ROBO2: variants seen among roughly 807,000 people sequenced by gnomAD.
ROBO2 encodes the protein roundabout guidance receptor 2.
ROBO2 carries 53 observed loss-of-function variants against 160.8 expected under a neutral mutation model. The observed-to-expected ratio is 0.33, with a 90% confidence interval of 0.26 to 0.41. The LOEUF (loss-of-function observed/expected upper bound fraction) is 0.41, where lower values mean the gene tolerates loss of function less well. ROBO2 is among the 10% of genes least tolerant of loss of function. ROBO2 has a pLI of 1.00. For synonymous variants in ROBO2, 664 were observed against 611.7 expected (o/e 1.09, Z -1.26); for missense variants, 1,577 against 1,722.4 (o/e 0.92, Z 1.49).
rs1373028396 is a variant in ROBO2, at chr3:77,584,265, A to T, written c.2500+4147A>T. Among the ~76,000 whole-genome samples the T allele has an allele frequency of 2.0e-5, 3 of 152,116 alleles. No individual in the cohort carries two copies. The East Asian group carries it at 5.8e-4, about 29-fold the overall frequency. Reference sequence around the variant, plus strand: ...TGAGGTCCTAACTGCCTCACACTGTATGGATTGCGGTGCTCCCTAAGGGAA... The same window carrying T: ...TGAGGTCCTAACTGCCTCACACTGTTTGGATTGCGGTGCTCCCTAAGGGAA... On this transcript the variant is annotated intron_variant, in intron 16 of 25. Transcript: ENST00000461745.
chr3:77,602,587 C>A, intron 20 of ROBO2, 96 bp downstream of exon 21: 1 of 1,421,916 alleles, frequency 7.0e-7, no homozygotes, highest in Non-Finnish European at 9.9e-7. Context: ...GATTCATTAC[C>A]AGGTTTACTA....
At chr3:75,964,973 T>A in intron 2 of ROBO2, 1 of 151,684 alleles carries the variant, frequency 6.6e-6, no homozygotes, top group East Asian at 2.0e-4. Flanking sequence ...ATTTTTTCTG[T>A]TTATTTTTAA....
At chr3:76,514,505 A>C (rs1190747459) in intron 2 of ROBO2, among the ~76,000 whole-genome samples, 1 of 152,206 alleles carries the variant, frequency 6.6e-6, no homozygotes, top group East Asian at 1.9e-4. Flanking sequence ...TCAATATTCA[A>C]TTGGAAATAT....
In ROBO2 at chr3:76,216,121, G is replaced by A. The variant is rs1703507191; in HGVS notation, c.109+278519G>A. Among the ~76,000 whole-genome samples, 3 of 152,320 alleles carry A rather than the reference G, an allele frequency of 2.0e-5. No homozygotes were observed. The South Asian group carries it at 6.2e-4, about 32-fold the overall frequency. On this transcript the variant is annotated intron_variant, in intron 2 of 26. Coordinates refer to the ROBO2 transcript ENST00000487694. ...AGACAAGCAAATGCTGAGAGATTGT[G>A]TCACCACCAGGCCTGCCCTAAAAGA...
chr3:76,486,867 A>G lies in ROBO2; in HGVS notation c.109+549265A>G, dbSNP rs988448093. ...GGTTTCCTTTTTCAACATTTTTCCT[A>G]TGTGTCCTTGATATCTTTTCTAAAT... On this transcript the variant is annotated intron_variant, in intron 2 of 26. Coordinates refer to the ROBO2 transcript ENST00000487694. Among the ~76,000 whole-genome samples the G allele has an allele frequency of 5.3e-5, 8 of 152,172 alleles. 1 individual carries two copies. Among genetic ancestry groups the G allele is most frequent in the Admixed American group, 2.0e-4 (3 of 15,264 alleles).
intron 1 of ROBO2, among the ~76,000 whole-genome samples, chr3:75,909,277 T>G (rs1946468297): frequency 6.6e-6 from 1 of 152,178 alleles, no homozygotes; most frequent in Non-Finnish European, 1.5e-5. Flanking sequence ...AAAAATAAAT[T>G]TCAAAGAGAG....
At chr3:77,440,757 A>C (rs995997977) in intron 2 of ROBO2, among the ~76,000 whole-genome samples, 1 of 152,164 alleles carries the variant, frequency 6.6e-6, no homozygotes, top group Admixed American at 6.5e-5. Flanking sequence ...GTCTCAGCCG[A>C]GTGTAAAATC....
chr3:76,504,897 C>T (rs1344407105), intron 2 of ROBO2, among the ~76,000 whole-genome samples: 1 of 152,048 alleles, frequency 6.6e-6, no homozygotes, highest in Non-Finnish European at 1.5e-5. Flanking sequence ...TGATGATAGT[C>T]TTCATTTTGG....
chr3:76,144,570 T>A (rs560600494), intron 2 of ROBO2, among the ~76,000 whole-genome samples: 2 of 152,190 alleles, frequency 1.3e-5, no homozygotes, highest in East Asian at 3.9e-4. Context: ...TTAGACACAA[T>A]TGGACTTTTA....
intron 2 of ROBO2, among the ~76,000 whole-genome samples, chr3:76,443,063 G>C (rs2077001501): frequency 6.6e-6 from 1 of 151,880 alleles, no homozygotes. Flanking sequence ...GCCTCAGGAA[G>C]CTTCCACTCA....
intron 2 of ROBO2, among the ~76,000 whole-genome samples, chr3:77,374,158 C>G (rs1321840762): frequency 2.0e-5 from 2 of 99,250 alleles, no homozygotes; most frequent in Non-Finnish European, 3.5e-5. Flanking sequence ...CCGACAACAG[C>G]GAGACTCCAT....
At chr3:76,419,603 T>C (rs2325009) in intron 2 of ROBO2, among the ~76,000 whole-genome samples, 96,622 of 151,900 alleles carry the variant, frequency 0.64, 31,198 homozygotes, top group African/African-American at 0.76. Flanking sequence ...AAAACTAGAT[T>C]ACCCTGTGTT....
intron 2 of ROBO2, among the ~76,000 whole-genome samples, chr3:77,468,912 T>A (rs1053459783): frequency 1.3e-5 from 2 of 152,164 alleles, no homozygotes; most frequent in African/African-American, 4.8e-5. Context: ...GGCCCCCGGA[T>A]GTCTCCCCAC....
At chr3:77,006,865 T>G (rs1359700180) in intron 2 of ROBO2, among the ~76,000 whole-genome samples, 1 of 152,110 alleles carries the variant, frequency 6.6e-6, no homozygotes, top group African/African-American at 2.4e-5. Context: ...TATTAGGAAG[T>G]ATAAGGTATT....
chr3:77,355,081 A>G (rs941927853), intron 2 of ROBO2, among the ~76,000 whole-genome samples: 15 of 66,552 alleles, frequency 2.3e-4, no homozygotes, highest in African/African-American at 7.3e-4. Context: ...CTCTCACTCC[A>G]AAGAGTTCTA....
chr3:76,677,488 C>A (rs1034659767), intron 2 of ROBO2, among the ~76,000 whole-genome samples: 1 of 152,070 alleles, frequency 6.6e-6, no homozygotes, highest in Non-Finnish European at 1.5e-5. Flanking sequence ...GGCCCAGAAC[C>A]ATTGGTCTAG....
intron 2 of ROBO2, among the ~76,000 whole-genome samples, chr3:76,186,854 G>T (rs1463059529): frequency 6.6e-6 from 1 of 151,900 alleles, no homozygotes; most frequent in Non-Finnish European, 1.5e-5. Flanking sequence ...CCACCATGTT[G>T]CCAAGTCCAG....
At chr3:76,567,636 T>C (rs1399905653) in intron 2 of ROBO2, among the ~76,000 whole-genome samples, 1 of 87,474 alleles carries the variant, frequency 1.1e-5, no homozygotes, top group Non-Finnish European at 2.3e-5. Flanking sequence ...TATATATATA[T>C]ATATATATAT....
chr3:76,961,681 T>C (rs1368388989), intron 2 of ROBO2, among the ~76,000 whole-genome samples: 1 of 152,168 alleles, frequency 6.6e-6, no homozygotes, highest in Non-Finnish European at 1.5e-5. Context: ...GTTTCTCATG[T>C]AAAAAACAGA....
Sources: gnomAD v4.1 joint callset for allele counts (sites outside exome capture counted in the v4.1 genomes callset) on GRCh38, gnomAD v4.1.1 for gene constraint, MANE v1.5 for transcripts, NCBI Gene and HGNC (gene_info 2026-07-23, HGNC 2026-07-21) for gene names.